The following CREB5 variants were observed in gnomAD, a reference collection of about 807,000 sequenced individuals.
CREB5 encodes cyclic AMP-responsive element-binding protein 5.
A neutral mutation model predicts 57.1 loss-of-function variants in CREB5; 19 were observed. The observed-to-expected ratio is 0.33, with a 90% CI of 0.23 to 0.49. The LOEUF (loss-of-function observed/expected upper bound fraction) is 0.49, where lower values mean the gene tolerates loss of function less well. Among genes scored for constraint, CREB5 ranks in the 20% least tolerant of loss-of-function variants. The probability of loss-of-function intolerance (pLI) is 0.99; values close to 1 mark genes in which losing one functional copy is unlikely to be tolerated. For missense variants in CREB5, 579 were observed against 671.6 expected (o/e 0.86, Z 1.52); for synonymous variants, 238 against 238.3 (o/e 1.00, Z 0.01).
intron 1 of CREB5, among the ~76,000 whole-genome samples, chr7:28,378,632 C>G (rs1204674270): frequency 6.6e-6 from 1 of 152,160 alleles, no homozygotes; most frequent in Non-Finnish European, 1.5e-5. Flanking sequence ...CTTTGTCACA[C>G]CTGCAATTTT....
intron 1 of CREB5, among the ~76,000 whole-genome samples, chr7:28,305,686 G>A (rs920849365): frequency 1.3e-5 from 2 of 151,176 alleles, no homozygotes; most frequent in Non-Finnish European, 3.0e-5. Context: ...AGCCTTCATG[G>A]TGAATATCAT....
At chr7:28,675,898 G>C (rs1800298521) in intron 5 of CREB5, among the ~76,000 whole-genome samples, 1 of 152,104 alleles carries the variant, frequency 6.6e-6, no homozygotes, top group African/African-American at 2.4e-5. Flanking sequence ...AAATGGAAAG[G>C]GCGAGTTACA....
intron 1 of CREB5, among the ~76,000 whole-genome samples, chr7:28,377,947 AAAAAAG>A (rs1554309949): frequency 1.4e-5 from 2 of 144,774 alleles, no homozygotes; most frequent in African/African-American, 2.6e-5. Flanking sequence ...AAAAAAAAAC[AAAAAAG>A]AAAAAGAAAA....
chr7:28,360,359 C>T (rs1786449654), intron 1 of CREB5, among the ~76,000 whole-genome samples: 1 of 152,178 alleles, frequency 6.6e-6, no homozygotes, highest in Non-Finnish European at 1.5e-5. Context: ...AATAGGGTAT[C>T]TATCCACAAT....
At chr7:28,427,123 G>C (rs1385399707) in intron 1 of CREB5, among the ~76,000 whole-genome samples, 1 of 152,208 alleles carries the variant, frequency 6.6e-6, no homozygotes, top group Non-Finnish European at 1.5e-5. Flanking sequence ...GGAGGTGAAT[G>C]AATCCATCGC....
At chr7:28,764,520 G>A (rs1461720493) in intron 7 of CREB5, among the ~76,000 whole-genome samples, 4 of 151,980 alleles carry the variant, frequency 2.6e-5, no homozygotes, top group African/African-American at 9.7e-5. Flanking sequence ...ATATTTGCTT[G>A]GTGCAAATAT....
chr7:28,808,365 G>A (rs1208752457), intron 8 of CREB5, among the ~76,000 whole-genome samples: 1 of 152,194 alleles, frequency 6.6e-6, no homozygotes, highest in Non-Finnish European at 1.5e-5. Context: ...TGGCAACGAT[G>A]TCCCAGAGGT....
chr7:28,772,692 C>A (rs957959350), intron 7 of CREB5, among the ~76,000 whole-genome samples: 2 of 152,128 alleles, frequency 1.3e-5, no homozygotes, highest in African/African-American at 4.8e-5. Context: ...AGCAGTAAAG[C>A]CTTTATAGAA....
At chr7:28,544,770 A>G (rs1794353444) in intron 4 of CREB5, among the ~76,000 whole-genome samples, 1 of 152,200 alleles carries the variant, frequency 6.6e-6, no homozygotes, top group African/African-American at 2.4e-5. Context: ...ATGGCAGAGC[A>G]TCACCAGGGC....
chr7:28,770,746 T>C (rs1179027889), intron 7 of CREB5, among the ~76,000 whole-genome samples: 1 of 152,240 alleles, frequency 6.6e-6, no homozygotes, highest in Non-Finnish European at 1.5e-5. Context: ...TTCACTCTTA[T>C]GTTTAAAAAA....
intron 1 of CREB5, among the ~76,000 whole-genome samples, chr7:28,359,665 G>A (rs1786427434): frequency 6.6e-6 from 1 of 152,132 alleles, no homozygotes; most frequent in South Asian, 2.1e-4. Flanking sequence ...TCTAGGCAAT[G>A]ATCGTTTGCA....
intron 7 of CREB5, among the ~76,000 whole-genome samples, chr7:28,753,571 C>T (rs973025746): frequency 6.6e-6 from 1 of 152,108 alleles, no homozygotes; most frequent in Non-Finnish European, 1.5e-5. Context: ...CCATAGGTAC[C>T]CTTTGGGGAG....
chr7:28,676,954 A>G (rs1386149116), intron 5 of CREB5, among the ~76,000 whole-genome samples: 2 of 152,214 alleles, frequency 1.3e-5, no homozygotes, highest in Admixed American at 6.5e-5. Flanking sequence ...CCATAATGCC[A>G]TAGACTGTTC....
intron 1 of CREB5, among the ~76,000 whole-genome samples, chr7:28,349,242 A>T (rs1786140639): frequency 6.6e-6 from 1 of 152,202 alleles, no homozygotes; most frequent in South Asian, 2.1e-4. Context: ...CCTTATAAGG[A>T]AGGTTAAAAG....
At chr7:28,724,183 C>T in intron 6 of CREB5, 39 bp from the exon 7 acceptor site, 3 of 1,572,636 alleles carry the variant, frequency 1.9e-6, no homozygotes, top group South Asian at 1.1e-5. Flanking sequence ...CCTAGACTGC[C>T]TTTGCAGACT....
At position 28,488,265 on chromosome 7, in the gene CREB5, C is replaced by T; in HGVS notation, c.75+19C>T. The T allele has an allele frequency of 6.2e-7, 1 of 1,611,466 alleles. No individual in the cohort carries two copies. Among genetic ancestry groups the T allele is most frequent in the Non-Finnish European group, 8.5e-7 (1 of 1,178,340 alleles). On this transcript the variant is annotated intron_variant, in intron 2 of 10. Transcript: ENST00000357727. Reference sequence around the variant, plus strand: ...CTCCCAGGTGAGTGTGCGGATCCTCCCTGCTCTGACATGCAGGGCCTGCTT... The same window carrying T: ...CTCCCAGGTGAGTGTGCGGATCCTCTCTGCTCTGACATGCAGGGCCTGCTT...
At chr7:28,718,903 A>T (rs117306745) in intron 6 of CREB5, 24 bp downstream of exon 6, 1 of 1,613,804 alleles carries the variant, frequency 6.2e-7, no homozygotes, top group East Asian at 2.2e-5. Flanking sequence ...TGTGTCTCAC[A>T]ATAGCTTGTC....
chr7:28,526,668 G>A lies in CREB5; in HGVS notation c.291+18931G>A, dbSNP rs1416495685. Reference sequence around the variant, plus strand: ...CAGAGTCCATGGTTTAGGCAAACTCGAACTGCCTGGAAAAAGCAGGCTGTG... The same window carrying A: ...CAGAGTCCATGGTTTAGGCAAACTCAAACTGCCTGGAAAAAGCAGGCTGTG... On this transcript the variant is annotated intron_variant, in intron 4 of 10. Transcript: ENST00000357727. Among the ~76,000 whole-genome samples, 4 of 152,182 alleles carry A rather than the reference G, an allele frequency of 2.6e-5. No individual in the cohort carries two copies. The East Asian group carries it at 5.8e-4, about 22-fold the overall frequency.
chr7:28,545,662 G>A (rs1794386697), intron 4 of CREB5, among the ~76,000 whole-genome samples: 1 of 152,208 alleles, frequency 6.6e-6, no homozygotes, highest in Non-Finnish European at 1.5e-5. Context: ...CTCAGGTACA[G>A]AGAGTTGAAT....
Sources: gnomAD v4.1 joint callset for allele counts (sites outside exome capture counted in the v4.1 genomes callset) on GRCh38, gnomAD v4.1.1 for gene constraint, MANE v1.5 for transcripts, NCBI Gene and HGNC (gene_info 2026-07-23, HGNC 2026-07-21) for gene names.